Variants in DGKI observed in about 807,000 individuals in gnomAD.
DGKI encodes the protein diacylglycerol kinase iota, also known as DAG kinase iota.
DGKI carries 55 observed loss-of-function variants against 147.5 expected under a neutral mutation model. That is an observed-to-expected ratio of 0.37 (90% CI 0.30 to 0.47). The LOEUF is 0.47. DGKI is among the 20% of genes least tolerant of loss of function. The probability of loss-of-function intolerance (pLI) is 1.00; values close to 1 mark genes in which losing one functional copy is unlikely to be tolerated. For synonymous variants in DGKI, 469 were observed against 477.1 expected, an observed-to-expected ratio of 0.98 and a Z score of 0.22; for missense variants, 1,007 against 1,323.8, an observed-to-expected ratio of 0.76 and a Z score of 3.71.
intron 6 of DGKI, among the ~76,000 whole-genome samples, chr7:137,631,699 T>C (rs891879680): frequency 2.0e-5 from 3 of 152,018 alleles, no homozygotes; most frequent in African/African-American, 7.2e-5. Flanking sequence ...CCCTAGAAGA[T>C]GATAACACCA....
At chr7:137,489,212 G>A (rs1815674742) in intron 21 of DGKI, among the ~76,000 whole-genome samples, 1 of 152,100 alleles carries the variant, frequency 6.6e-6, no homozygotes, top group Non-Finnish European at 1.5e-5. Flanking sequence ...GTAAAGAAAT[G>A]GTAGATATTC....
chr7:137,833,799 C>T (rs76182023), intron 1 of DGKI, among the ~76,000 whole-genome samples: 5,123 of 152,276 alleles, frequency 0.034, 104 homozygotes, highest in Non-Finnish European at 0.046. Flanking sequence ...CCAAAGGCCT[C>T]ATTGGTTACC....
Position 137,751,301 on chromosome 7 carries a change from A to G in DGKI, c.402-61299T>C, listed in dbSNP as rs576809025. ...CCTCCTTTCAGTTTTATAAAAATGT[A>G]TATTGTCTATAGCCACTATCAGACA... is the stretch of plus-strand genomic sequence containing the variant. On this transcript the variant is annotated intron_variant, in intron 1 of 32. Transcript: ENST00000614521. Among the ~76,000 whole-genome samples, 7 of 152,350 alleles carry G rather than the reference A, an allele frequency of 4.6e-5. No homozygotes were observed. In the East Asian group the frequency reaches 1.3e-3, roughly 29 times the overall value.
intron 28 of DGKI, among the ~76,000 whole-genome samples, chr7:137,440,538 AAG>A (rs1813460248): frequency 6.6e-6 from 1 of 152,218 alleles, no homozygotes. Flanking sequence ...TGGCCGATAA[AAG>A]AGAGTTAAGA....
chr7:137,842,017 A>C (rs1224250686), intron 1 of DGKI, among the ~76,000 whole-genome samples: 2 of 152,232 alleles, frequency 1.3e-5, no homozygotes, highest in Admixed American at 6.5e-5. Context: ...AATCTTGCCC[A>C]GTGTGTATCC....
chr7:137,782,922 C>T (rs186927157), intron 1 of DGKI, among the ~76,000 whole-genome samples: 8 of 152,086 alleles, frequency 5.3e-5, no homozygotes, highest in African/African-American at 1.2e-4. Context: ...CATTCCTAGG[C>T]GAAAGGGGAG....
intron 21 of DGKI, among the ~76,000 whole-genome samples, chr7:137,492,729 C>T (rs2128938570): frequency 6.6e-6 from 1 of 152,248 alleles, no homozygotes; most frequent in Non-Finnish European, 1.5e-5. Flanking sequence ...TCCCATGCTC[C>T]CCTAGGAAAC....
At chr7:137,489,540 A>AGT (rs1246899972) in intron 21 of DGKI, among the ~76,000 whole-genome samples, 1 of 152,170 alleles carries the variant, frequency 6.6e-6, no homozygotes, top group Non-Finnish European at 1.5e-5. Flanking sequence ...TAGTGATTAG[A>AGT]GTAATCATCT....
chr7:137,672,113 T>C (rs1277830339), intron 3 of DGKI, among the ~76,000 whole-genome samples: 1 of 152,228 alleles, frequency 6.6e-6, no homozygotes, highest in East Asian at 1.9e-4. Flanking sequence ...GCCTGTCTGC[T>C]CACTTACACC....
chr7:137,463,411 C>A, intron 27 of DGKI, 78 bp downstream of exon 27: 1 of 1,566,718 alleles, frequency 6.4e-7, no homozygotes, highest in South Asian at 1.2e-5. Flanking sequence ...ATCCTGACCA[C>A]TGGGGCACAG....
intron 21 of DGKI, among the ~76,000 whole-genome samples, chr7:137,518,657 T>C (rs79355316): frequency 0.042 from 6,414 of 152,174 alleles, 333 homozygotes; most frequent in East Asian, 0.11. Flanking sequence ...TAAATTATCA[T>C]GGCAATTTAA....
chr7:137,546,552 T>C lies in DGKI; in HGVS notation c.2147+5817A>G, dbSNP rs1343982253. 2.0e-5 allele frequency among the ~76,000 whole-genome samples: 3 copies of C among 152,330 alleles called. No homozygotes were observed. In the East Asian group the frequency reaches 5.8e-4, roughly 29 times the overall value. ...AGGTAATACCAAGAAAGTCTAATTG[T>C]ATCACTGTATTGCTATCATTCCACC... On this transcript the variant is annotated intron_variant, in intron 20 of 32. Coordinates refer to ENST00000614521, the MANE Select transcript of DGKI (RefSeq NM_001321708.2).
In DGKI at chr7:137,521,920, T is replaced by C. The variant is rs759746254; in HGVS notation, c.2194A>G (p.Ser732Gly). Residue 732 changes from serine (S) to glycine (G), a missense_variant, in exon 21 of 33, where the codon AGT (serine) becomes GGT (glycine). Ser to Gly is a moderately conservative substitution (Grantham distance 56). Around this residue, in one of 5 missense-constraint regions of DGKI, gnomAD observed 385 missense variants for 445.2 expected, o/e 0.86. Transcript: ENST00000614521. ...DRLRIRVNKI[S>G]LQDYEGFHYD... is the part of the protein sequence containing the mutation. ...TGGAATCCTTCATAGTCTTGTAAAC[T>C]GATTTTGTTCACCCGGATCCTCAGA... The C allele has an allele frequency of 6.2e-7, 1 of 1,612,202 alleles. No individual in the cohort carries two copies. Among genetic ancestry groups the C allele is most frequent in the South Asian group, 1.1e-5 (1 of 90,952 alleles).
At chr7:137,663,901 G>C (rs1352814407) in intron 3 of DGKI, among the ~76,000 whole-genome samples, 1 of 144,604 alleles carries the variant, frequency 6.9e-6, no homozygotes, top group Non-Finnish European at 1.5e-5. Flanking sequence ...TTCTGACATA[G>C]GGCTCCCTCC....
At chr7:137,576,258 G>A (rs1294843441) in intron 17 of DGKI, among the ~76,000 whole-genome samples, 7 of 151,700 alleles carry the variant, frequency 4.6e-5, no homozygotes, top group African/African-American at 1.2e-4. Flanking sequence ...GGCTGCTCTC[G>A]AACTCCTGAG....
chr7:137,574,162 A>G (rs1299343167), intron 17 of DGKI, among the ~76,000 whole-genome samples: 1 of 152,146 alleles, frequency 6.6e-6, no homozygotes, highest in African/African-American at 2.4e-5. Context: ...TTCCCAGTCG[A>G]TCTCCATACA....
At chr7:137,514,278 T>C (rs991852685) in intron 21 of DGKI, among the ~76,000 whole-genome samples, 1 of 152,190 alleles carries the variant, frequency 6.6e-6, no homozygotes, top group Admixed American at 6.5e-5. Context: ...GGGACCACTG[T>C]TGTATATGCA....
At chr7:137,416,674 C>G (rs963305272) in intron 28 of DGKI, among the ~76,000 whole-genome samples, 1 of 152,172 alleles carries the variant, frequency 6.6e-6, no homozygotes, top group Non-Finnish European at 1.5e-5. Context: ...GCTTCCCCCC[C>G]TCTGGAAACA....
intron 1 of DGKI, among the ~76,000 whole-genome samples, chr7:137,805,535 T>A (rs971152849): frequency 3.5e-4 from 54 of 152,236 alleles, no homozygotes; most frequent in African/African-American, 1.2e-3. Context: ...ATAGTCATTG[T>A]GATTATCTCC....
Sources: allele counts gnomAD v4.1 joint callset (sites outside exome capture counted in the v4.1 genomes callset), GRCh38; gene constraint gnomAD v4.1.1; regional missense constraint gnomAD v4.1.1; transcripts MANE v1.5; gene names NCBI Gene and HGNC (gene_info 2026-07-23, HGNC 2026-07-21).